The following EYS variants were observed in gnomAD, a reference collection of about 807,000 sequenced individuals.
The protein encoded by EYS is EGF-like photoreceptor maintenance factor.
Under a neutral mutation model 282.1 loss-of-function variants are expected in EYS, and 250 were observed. The ratio of observed to expected loss-of-function variants is 0.89; its 90% CI spans 0.80 to 0.98. The LOEUF (loss-of-function observed/expected upper bound fraction) is 0.98. Ranked by LOEUF, EYS falls within the 50% of genes least tolerant of loss-of-function variation. The pLI is 0.00. For missense variants in EYS, 4,016 were observed against 3,709.0 expected (o/e 1.08, Z -2.15); for synonymous variants, 1,355 against 1,282.9 (o/e 1.06, Z -1.20).
At chr6:64,956,789 A>G (rs1348272763) in intron 14 of EYS, among the ~76,000 whole-genome samples, 1 of 152,208 alleles carries the variant, frequency 6.6e-6, no homozygotes, top group African/African-American at 2.4e-5. Context: ...TTCAACAGAC[A>G]TTTATCAAAA....
chr6:65,394,471 G>T (rs1021115201), intron 7 of EYS, among the ~76,000 whole-genome samples: 3 of 151,970 alleles, frequency 2.0e-5, no homozygotes, highest in Non-Finnish European at 4.4e-5. Flanking sequence ...GTCCTGTAGC[G>T]CCGTGGACAC....
intron 19 of EYS, among the ~76,000 whole-genome samples, chr6:64,885,855 T>C (rs1329303946): frequency 6.6e-6 from 1 of 151,800 alleles, no homozygotes; most frequent in African/African-American, 2.4e-5. Context: ...TGCTTGCCAA[T>C]ATAATTTCCA....
intron 35 of EYS, among the ~76,000 whole-genome samples, chr6:63,967,666 TTG>T (rs1766371392): frequency 6.6e-6 from 1 of 152,338 alleles, no homozygotes; most frequent in African/African-American, 2.4e-5. Context: ...TTAAATGAAT[TTG>T]TGAATATTTT....
chr6:65,684,445 C>T (rs1243178623), intron 1 of EYS, among the ~76,000 whole-genome samples: 1 of 151,938 alleles, frequency 6.6e-6, no homozygotes, highest in African/African-American at 2.4e-5. Flanking sequence ...GAGAGGACAC[C>T]CGCCAGCACC....
At chr6:64,354,331 C>G (rs1771749896) in intron 29 of EYS, among the ~76,000 whole-genome samples, 1 of 151,460 alleles carries the variant, frequency 6.6e-6, no homozygotes, top group African/African-American at 2.4e-5. Context: ...AAAATTACTC[C>G]CACAAGCGCC....
At chr6:65,117,686 T>C (rs9453187) in intron 12 of EYS, among the ~76,000 whole-genome samples, 39,848 of 152,074 alleles carry the variant, frequency 0.26, 6,419 homozygotes, top group African/African-American at 0.45. Context: ...TATGTTTATA[T>C]GAAGAACTGC....
chr6:64,479,427 C>G (rs1477242522), intron 26 of EYS, among the ~76,000 whole-genome samples: 1 of 151,974 alleles, frequency 6.6e-6, no homozygotes, highest in Non-Finnish European at 1.5e-5. Flanking sequence ...TTGCCATTTA[C>G]TTTACATTAC....
chr6:64,505,653 T>C (rs1777184661), intron 26 of EYS, among the ~76,000 whole-genome samples: 1 of 152,216 alleles, frequency 6.6e-6, no homozygotes, highest in Non-Finnish European at 1.5e-5. Flanking sequence ...TGAGTTGTCA[T>C]GTACAGGGAA....
chr6:64,391,183 C>A (rs1015020429), intron 28 of EYS, among the ~76,000 whole-genome samples: 175 of 151,974 alleles, frequency 1.2e-3, no homozygotes, highest in African/African-American at 4.0e-3. Context: ...AGAATGGAAC[C>A]AAGTTGGAAA....
At chr6:65,090,228 CT>C (rs1345270647) in intron 12 of EYS, among the ~76,000 whole-genome samples, 1 of 152,018 alleles carries the variant, frequency 6.6e-6, no homozygotes, top group African/African-American at 2.4e-5. Context: ...TGGCTTACCC[CT>C]TGCAATTGTC....
At chr6:64,851,734 G>A (rs982857804) in intron 19 of EYS, among the ~76,000 whole-genome samples, 3 of 152,042 alleles carry the variant, frequency 2.0e-5, no homozygotes, top group African/African-American at 7.2e-5. Context: ...CTTGTAAGTG[G>A]GAGCTAAATG....
chr6:63,803,505 T>C (rs1325802020), intron 37 of EYS, among the ~76,000 whole-genome samples: 1 of 152,108 alleles, frequency 6.6e-6, no homozygotes. Context: ...CACATCCTAA[T>C]GCAGAACAGG....
At chr6:64,011,126 AC>A (rs755935545) in intron 33 of EYS, among the ~76,000 whole-genome samples, 9 of 152,128 alleles carry the variant, frequency 5.9e-5, no homozygotes, top group South Asian at 4.1e-4. Flanking sequence ...GCAAGTATGT[AC>A]TCTTACCTTC....
At chr6:64,401,595 T>C (rs1773538779) in intron 28 of EYS, among the ~76,000 whole-genome samples, 1 of 151,954 alleles carries the variant, frequency 6.6e-6, no homozygotes, top group African/African-American at 2.4e-5. Context: ...AATATTTTTA[T>C]CTTAACAAAT....
intron 13 of EYS, among the ~76,000 whole-genome samples, chr6:65,054,764 T>C (rs959980430): frequency 1.3e-5 from 2 of 152,090 alleles, no homozygotes; most frequent in Non-Finnish European, 2.9e-5. Context: ...ACAGTTCCAT[T>C]GAACGTGTTA....
intron 26 of EYS, among the ~76,000 whole-genome samples, chr6:64,442,619 T>C (rs1774984887): frequency 6.6e-6 from 1 of 152,176 alleles, no homozygotes; most frequent in African/African-American, 2.4e-5. Context: ...GTATTTCCGC[T>C]GTGTGCAGTC....
intron 11 of EYS, among the ~76,000 whole-genome samples, chr6:65,318,362 A>G (rs550734732): frequency 9.2e-5 from 14 of 151,400 alleles, no homozygotes; most frequent in Admixed American, 8.6e-4. Context: ...TTCAAAGTCT[A>G]ATCTTAGAAA....
Position 63,849,982 on chromosome 6 carries a change from A to T in EYS, c.7228+14204T>A, listed in dbSNP as rs189510516. On this transcript the variant is annotated intron_variant, in intron 36 of 42. Transcript: ENST00000503581. ...ATAACTAGTTTAGAGAAGAACATAA[A>T]TGATCTGATGGAGCTGAAAAACACA... is the stretch of plus-strand genomic sequence containing the variant. 1.2e-4 allele frequency among the ~76,000 whole-genome samples: 19 copies of T among 152,312 alleles called. 1 individual carries two copies. The South Asian group carries it at 1.9e-3, about 15-fold the overall frequency.
intron 12 of EYS, among the ~76,000 whole-genome samples, chr6:65,198,917 T>G (rs544951459): frequency 6.6e-6 from 1 of 152,168 alleles, no homozygotes; most frequent in African/African-American, 2.4e-5. Context: ...ATCAGAGATG[T>G]CTCCTAAGTA....
Sources: gnomAD v4.1 joint callset for allele counts (sites outside exome capture counted in the v4.1 genomes callset) on GRCh38, gnomAD v4.1.1 for gene constraint, MANE v1.5 for transcripts, NCBI Gene and HGNC (gene_info 2026-07-23, HGNC 2026-07-21) for gene names.